SGCZ: variants seen among roughly 807,000 people sequenced by gnomAD.
The protein encoded by SGCZ is zeta-sarcoglycan.
SGCZ carries 40 observed loss-of-function variants against 41.3 expected under a neutral mutation model. That is an observed-to-expected ratio of 0.97 (90% CI 0.75 to 1.26). The LOEUF (loss-of-function observed/expected upper bound fraction) is 1.26. SGCZ is among the 50% of genes most tolerant of loss of function. The pLI, the probability that SGCZ is intolerant of heterozygous loss-of-function variation, is 0.00. For missense variants in SGCZ, 552 were observed against 369.8 expected (o/e 1.49, Z -4.04); for synonymous variants, 206 against 137.5 (o/e 1.50, Z -3.49).
intron 1 of SGCZ, among the ~76,000 whole-genome samples, chr8:15,212,561 G>A (rs1055864453): frequency 2.0e-5 from 3 of 151,998 alleles, no homozygotes; most frequent in Non-Finnish European, 4.4e-5. Flanking sequence ...TATATATTCT[G>A]TAGACTGAGA....
At chr8:14,249,239 TCTC>T (rs1317687492) in intron 3 of SGCZ, among the ~76,000 whole-genome samples, 2 of 152,148 alleles carry the variant, frequency 1.3e-5, no homozygotes, top group Non-Finnish European at 2.9e-5. Context: ...ACATGAGTCT[TCTC>T]TTGCTTTTGA....
rs1563124156 is a variant in SGCZ, at chr8:15,097,892, A to ATATATATATATACGTGTGTG, written c.39+139692_39+139693insCACACACGTATATATATATA. Among the ~76,000 whole-genome samples, 18 of 13,306 alleles carry ATATATATATATACGTGTGTG rather than the reference A, an allele frequency of 1.4e-3. No homozygotes were observed. The South Asian group carries it at 0.073, about 54-fold the overall frequency. 8.7% of individuals were successfully genotyped at this position (13,306 alleles called of 152,430 possible). On this transcript the variant is annotated intron_variant, in intron 1 of 7. Coordinates refer to ENST00000382080, the MANE Select transcript of SGCZ (RefSeq NM_139167.4). ...TATATATATATATATACGTGTGTAT[A>ATATATATATATACGTGTGTG]TATATATATATATATATACGTGTGT...
rs548753561 is a variant in SGCZ, at chr8:14,947,240, G to C, written c.39+290345C>G. On this transcript the variant is annotated intron_variant, in intron 1 of 7. Coordinates refer to ENST00000382080, the MANE Select transcript of SGCZ (RefSeq NM_139167.4). Reference sequence around the variant, plus strand: ...GAGACAAAAGCGAAATATCCCGGAAGTATTTCAAATTTCTTAATGGACCAT... The same window carrying C: ...GAGACAAAAGCGAAATATCCCGGAACTATTTCAAATTTCTTAATGGACCAT... 1.7e-4 allele frequency among the ~76,000 whole-genome samples: 26 copies of C among 152,194 alleles called. 1 individual carries two copies. Among genetic ancestry groups the C allele is most frequent in the Admixed American group, 7.9e-4 (12 of 15,280 alleles).
At chr8:14,692,618 A>G (rs1808834797) in intron 1 of SGCZ, among the ~76,000 whole-genome samples, 1 of 152,166 alleles carries the variant, frequency 6.6e-6, no homozygotes, top group Admixed American at 6.5e-5. Flanking sequence ...TGCTTTGTGG[A>G]GAAATATGCT....
intron 1 of SGCZ, among the ~76,000 whole-genome samples, chr8:15,032,522 T>C (rs1803713029): frequency 6.6e-6 from 1 of 152,100 alleles, no homozygotes; most frequent in Non-Finnish European, 1.5e-5. Context: ...ACTTATGGAC[T>C]GAGCCCCCAG....
At chr8:14,608,900 G>A (rs1384296360) in intron 1 of SGCZ, among the ~76,000 whole-genome samples, 1 of 152,082 alleles carries the variant, frequency 6.6e-6, no homozygotes, top group Non-Finnish European at 1.5e-5. Context: ...ATATTCTTAT[G>A]TAATAATAGG....
chr8:14,916,800 T>C (rs1799451288), intron 1 of SGCZ, among the ~76,000 whole-genome samples: 1 of 152,178 alleles, frequency 6.6e-6, no homozygotes. Context: ...CTTACGAGTA[T>C]GTAAATAGAG....
Position 15,152,915 on chromosome 8 carries a change from C to T in SGCZ, c.39+84670G>A, listed in dbSNP as rs1442107343. Among the ~76,000 whole-genome samples, 5 of 152,166 alleles carry T rather than the reference C, an allele frequency of 3.3e-5. No homozygotes were observed. In the East Asian group the frequency reaches 7.7e-4, roughly 24 times the overall value. On this transcript the variant is annotated intron_variant, in intron 1 of 7. Coordinates refer to ENST00000382080, the MANE Select transcript of SGCZ (RefSeq NM_139167.4). ...GCAGATGGTGTCAACAACCCCACTGCTCCAGTCTCCTGGGTAGAGGAAAGG... is the reference window on the plus strand; with the variant it reads ...GCAGATGGTGTCAACAACCCCACTGTTCCAGTCTCCTGGGTAGAGGAAAGG...
At chr8:14,427,224 C>G (rs1288474702) in intron 2 of SGCZ, among the ~76,000 whole-genome samples, 2 of 152,094 alleles carry the variant, frequency 1.3e-5, no homozygotes, top group African/African-American at 4.8e-5. Context: ...GGAAAAATAA[C>G]TAATGACTAC....
chr8:14,154,345 A>G (rs1809340), intron 5 of SGCZ, among the ~76,000 whole-genome samples: 147,942 of 152,122 alleles, frequency 0.97, 72,070 homozygotes, highest in East Asian at 1. Context: ...CTCCAGCCTG[A>G]GCGACATAGC....
chr8:14,398,837 T>G (rs1227945830), intron 2 of SGCZ, among the ~76,000 whole-genome samples: 3 of 152,042 alleles, frequency 2.0e-5, no homozygotes, highest in African/African-American at 7.2e-5. Context: ...GGCTTTGAGG[T>G]GATTATTTAG....
intron 1 of SGCZ, among the ~76,000 whole-genome samples, chr8:15,213,402 T>G (rs1295477457): frequency 6.6e-6 from 1 of 151,744 alleles, no homozygotes; most frequent in Non-Finnish European, 1.5e-5. Context: ...CAGAAAAAAT[T>G]CAATGTTTCT....
At chr8:15,201,566 C>T (rs1316695983) in intron 1 of SGCZ, among the ~76,000 whole-genome samples, 1 of 152,178 alleles carries the variant, frequency 6.6e-6, no homozygotes, top group Admixed American at 6.5e-5. Context: ...ACTGTTGGAA[C>T]CATACAAATC....
At chr8:14,732,933 CA>C (rs35281696) in intron 1 of SGCZ, among the ~76,000 whole-genome samples, 108,285 of 151,694 alleles carry the variant, frequency 0.71, 38,823 homozygotes, top group Admixed American at 0.76. Context: ...GTATTACCTA[CA>C]AAATAAGATT....
intron 3 of SGCZ, among the ~76,000 whole-genome samples, chr8:14,255,244 T>A (rs2117217758): frequency 6.6e-6 from 1 of 152,298 alleles, no homozygotes; most frequent in Admixed American, 6.5e-5. Flanking sequence ...GTTGGTAATT[T>A]CAGTTACCAT....
In SGCZ at chr8:14,609,164, T is replaced by A. The variant is rs181769060; in HGVS notation, c.40-54238A>T. Reference sequence around the variant, plus strand: ...CTCAATGGTTGTCTTTAGCTAAACATAGATTCCCTTTGAGATTGTAATAAC... The same window carrying A: ...CTCAATGGTTGTCTTTAGCTAAACAAAGATTCCCTTTGAGATTGTAATAAC... On this transcript the variant is annotated intron_variant, in intron 1 of 7. Transcript: ENST00000382080. Among the ~76,000 whole-genome samples, 12 of 152,312 alleles carry A rather than the reference T, an allele frequency of 7.9e-5. No homozygotes were observed. The East Asian group carries it at 2.3e-3, about 29-fold the overall frequency.
chr8:14,771,090 T>C (rs560192702), intron 1 of SGCZ, among the ~76,000 whole-genome samples: 20 of 152,196 alleles, frequency 1.3e-4, no homozygotes, highest in African/African-American at 4.1e-4. Context: ...TTGCTGATCA[T>C]GGAATATATG....
chr8:14,721,130 G>A (rs918567822), intron 1 of SGCZ, among the ~76,000 whole-genome samples: 1 of 152,006 alleles, frequency 6.6e-6, no homozygotes, highest in African/African-American at 2.4e-5. Context: ...AGTTGCCTTT[G>A]TTTCCCTAAT....
In SGCZ at chr8:14,952,970, C is replaced by T. The variant is rs560603912; in HGVS notation, c.39+284615G>A. On this transcript the variant is annotated intron_variant, in intron 1 of 7. Transcript: ENST00000382080. ...ATTCTAGAGCAAGAGAAAAATATCTCGGGTGGGTTGGTGGATTTTGCTGAT... is the reference window on the plus strand; with the variant it reads ...ATTCTAGAGCAAGAGAAAAATATCTTGGGTGGGTTGGTGGATTTTGCTGAT... Among the ~76,000 whole-genome samples, 4 of 152,088 alleles carry T rather than the reference C, an allele frequency of 2.6e-5. No individual in the cohort carries two copies. The South Asian group carries it at 8.3e-4, about 32-fold the overall frequency.
Sources: allele counts gnomAD v4.1 joint callset (sites outside exome capture counted in the v4.1 genomes callset), GRCh38; gene constraint gnomAD v4.1.1; transcripts MANE v1.5; gene names NCBI Gene and HGNC (gene_info 2026-07-23, HGNC 2026-07-21).